SPTBN2: variants seen among roughly 807,000 people sequenced by gnomAD.
The protein encoded by SPTBN2 is spectrin beta chain, non-erythrocytic 2.
SPTBN2 carries 107 observed loss-of-function variants against 284.2 expected under a neutral mutation model. That is an observed-to-expected ratio of 0.38 (90% CI 0.32 to 0.44). The LOEUF (loss-of-function observed/expected upper bound fraction) is 0.44. Among genes scored for constraint, SPTBN2 ranks in the 20% least tolerant of loss-of-function variants. SPTBN2 has a pLI of 1.00. For missense variants in SPTBN2, 2,569 were observed against 3,287.1 expected, an observed-to-expected ratio of 0.78 and a Z score of 5.34; for synonymous variants, 1,289 against 1,354.8, an observed-to-expected ratio of 0.95 and a Z score of 1.07.
Position 66,701,652 on chromosome 11 carries a change from C to T in SPTBN2, c.2748G>A (p.Glu916=). The T allele has an allele frequency of 6.2e-7, 1 of 1,614,072 alleles. No individual in the cohort carries two copies. The highest frequency in any genetic ancestry group is 8.5e-7 in the Non-Finnish European group (1 of 1,180,032). ...CTGGGGGGTTGGCCTTCAGTAACTGCTCGGCAATGTCATTCACCGCGGTGA... is the reference window on the plus strand; with the variant it reads ...CTGGGGGGTTGGCCTTCAGTAACTGTTCGGCAATGTCATTCACCGCGGTGA... ...AQITAVNDIA[E]QLLKANPPGK... The change falls in exon 16 of 38, where the codon GAG becomes GAA. Residue 916 remains glutamate, a synonymous_variant. Transcript: ENST00000533211.
rs1458196108 is a variant in SPTBN2 at position 66,708,122 on chromosome 11, T to A, written c.1350+19A>T. The stretch of plus-strand genomic sequence containing the variant: ...CCAGTTCTGACCAGCCTAAGCATCC[T>A]AGGAGCCTCAAGTCCTACCTGGGAC... On this transcript the variant is annotated intron_variant, in intron 12 of 37. Coordinates refer to ENST00000533211, the MANE Select transcript of SPTBN2 (RefSeq NM_006946.4). The surrounding 1 kb of genome is among the most constrained non-coding windows in gnomAD (Gnocchi z 4.4). 6.2e-7 allele frequency: 1 copy of A among 1,612,942 alleles called. No individual in the cohort carries two copies. The highest frequency in any genetic ancestry group is 1.7e-5 in the Admixed American group (1 of 60,002).
rs755583912 is a variant in SPTBN2, at chr11:66,700,789, G to A, written c.3310C>T (p.Leu1104=). ...PATLPEAEAL[L]AQHAALRGEV... ...CCCCGCAGGGCTGCATGTTGGGCCAGGAGGGCCTCTGCCTCAGGCAGGGTG... is the reference window on the plus strand; with the variant it reads ...CCCCGCAGGGCTGCATGTTGGGCCAAGAGGGCCTCTGCCTCAGGCAGGGTG... Residue 1104 remains leucine (L), a synonymous_variant, in exon 17 of 38, where the codon CTG becomes TTG. Coordinates refer to ENST00000533211, the MANE Select transcript of SPTBN2 (RefSeq NM_006946.4). This position sits in a 1 kb window ranked among gnomAD's most constrained non-coding sequence, Gnocchi z 6.6. The A allele has an allele frequency of 1.9e-6, 3 of 1,601,462 alleles. No individual in the cohort carries two copies. The highest frequency in any genetic ancestry group is 2.5e-6 in the Non-Finnish European group (3 of 1,179,812).
At chr11:66,744,156 C>T (rs757693981) in intron 1 of SPTBN2, among the ~76,000 whole-genome samples, 4 of 152,190 alleles carry the variant, frequency 2.6e-5, no homozygotes, top group Non-Finnish European at 5.9e-5. Context: ...CCACTGCGCC[C>T]GGCCCAGGGC....
chr11:66,704,175 T>C (rs1941398140), intron 15 of SPTBN2, among the ~76,000 whole-genome samples: 2 of 151,752 alleles, frequency 1.3e-5, no homozygotes, highest in Admixed American at 6.6e-5. Context: ...CGTTTCACCA[T>C]GTTAGCCAGG....
rs1406212059 is a variant in SPTBN2, at chr11:66,683,128, C to T, written c.*2743G>A. ...TGTCACCCAGGCTGGAGCGCAGTGG[C>T]GGCATCTCGGCTCACTGCAAGCTCC... On this transcript the variant is annotated 3_prime_UTR_variant, in exon 38 of 38. Transcript: ENST00000533211. Among the ~76,000 whole-genome samples, 6 of 125,130 alleles carry T rather than the reference C, an allele frequency of 4.8e-5. No individual in the cohort carries two copies. Among genetic ancestry groups the T allele is most frequent in the African/African-American group, 1.5e-4 (5 of 32,484 alleles). The allele number at this position is 125,130 out of a possible 152,430, so 82.1% of individuals were successfully genotyped here.
At position 66,691,078 on chromosome 11, in the gene SPTBN2, A is replaced by G. The variant is rs1168675042; in HGVS notation, c.5565+206T>C. 2.0e-5 allele frequency among the ~76,000 whole-genome samples: 3 copies of G among 152,046 alleles called. No homozygotes were observed. Among genetic ancestry groups the G allele is most frequent in the Non-Finnish European group, 4.4e-5 (3 of 67,988 alleles). On this transcript the variant is annotated intron_variant, in intron 27 of 37. Coordinates refer to ENST00000533211, the MANE Select transcript of SPTBN2 (RefSeq NM_006946.4). This position sits in a 1 kb window ranked among gnomAD's most constrained non-coding sequence, Gnocchi z 8.0. ...ATGATCCGCCCTCCTCGGCCTCCCA[A>G]AGTGCTGGGATTACAGGCGAGAGCC...
rs768742849 is a variant in SPTBN2 at position 66,705,432 on chromosome 11, C to T, written c.1844G>A (p.Arg615Gln). 1.4e-5 allele frequency: 23 copies of T among 1,613,048 alleles called. No homozygotes were observed. Among genetic ancestry groups the T allele is most frequent in the Non-Finnish European group, 1.8e-5 (21 of 1,180,034 alleles). The change falls in exon 15 of 38, where the codon CGG becomes CAG. Residue 615 changes from arginine (R) to glutamine (Q), a missense_variant. Physicochemically the swap from Arg to Gln is conservative, Grantham distance 43 (BLOSUM62 1). Around this residue, in one of 6 missense-constraint regions of SPTBN2, gnomAD observed 1,012 missense variants for 1,248.9 expected, o/e 0.81. Transcript: ENST00000533211. ...RPCDPQLVSE[R>Q]VAKLEQSYEA... ...ATAGCTCTGCTCTAGCTTGGCCACC[C>T]GCTCCGACACCAGCTGCGGGTCGCA...
At position 66,699,613 on chromosome 11, in the gene SPTBN2, G is replaced by A. The variant is rs1941130064; in HGVS notation, c.3574-5C>T. ...CGTGTGAGACAGAACATATTCCTGT[G>A]TGGGAGGGATGACATTCAGCTCATT... On this transcript the variant is annotated splice_region_variant and splice_polypyrimidine_tract_variant and intron_variant, in intron 17 of 37. Transcript: ENST00000533211. The A allele has an allele frequency of 1.2e-6, 2 of 1,613,924 alleles. No individual in the cohort carries two copies. Among genetic ancestry groups the A allele is most frequent in the Non-Finnish European group, 1.7e-6 (2 of 1,179,966 alleles).
Position 66,689,817 on chromosome 11 carries a change from A to G in SPTBN2, c.5937T>C (p.Tyr1979=), listed in dbSNP as rs1940410543. Residue 1979 remains tyrosine, a synonymous_variant, in exon 29 of 38, where the codon TAT becomes TAC. Coordinates refer to ENST00000533211, the MANE Select transcript of SPTBN2 (RefSeq NM_006946.4). The part of the protein sequence containing the change: ...MGKELLARSH[Y]AAEEISEKLS... Reference sequence around the variant, plus strand: ...AGGCCTCACCCACCTCCTCGGCCGCATAGTGGCTCCTGGCCAGCAGCTCCT... The same window carrying G: ...AGGCCTCACCCACCTCCTCGGCCGCGTAGTGGCTCCTGGCCAGCAGCTCCT... 6.2e-7 allele frequency: 1 copy of G among 1,613,848 alleles called. No homozygotes were observed. Among genetic ancestry groups the G allele is most frequent in the Non-Finnish European group, 8.5e-7 (1 of 1,180,030 alleles).
intron 1 of SPTBN2, among the ~76,000 whole-genome samples, chr11:66,741,637 G>A (rs756242771): frequency 6.6e-6 from 1 of 152,142 alleles, no homozygotes; most frequent in Admixed American, 6.5e-5. Context: ...AATATCGAGA[G>A]CCATACTCAA....
chr11:66,738,081 G>A (rs1195959442), intron 1 of SPTBN2, among the ~76,000 whole-genome samples: 1 of 152,118 alleles, frequency 6.6e-6, no homozygotes, highest in Non-Finnish European at 1.5e-5. Flanking sequence ...TGGGTGTGGT[G>A]GCAAATGCCT....
chr11:66,716,376 G>A lies in SPTBN2; in HGVS notation c.158-395C>T, dbSNP rs537283131. ...CGGGCGCCTGTAGTCCCAGCTACTC[G>A]GGAGGCTGAGGCAGACTGACGTGAA... is the stretch of plus-strand genomic sequence containing the variant. On this transcript the variant is annotated intron_variant, in intron 3 of 37. Transcript: ENST00000533211. Among the ~76,000 whole-genome samples the A allele has an allele frequency of 8.6e-5, 13 of 152,026 alleles. No individual in the cohort carries two copies. The South Asian group carries it at 1.7e-3, about 19-fold the overall frequency.
chr11:66,699,621 G>T lies in SPTBN2; in HGVS notation c.3574-13C>A, dbSNP rs1941130757. On this transcript the variant is annotated splice_polypyrimidine_tract_variant and intron_variant, in intron 17 of 37. Transcript: ENST00000533211. The stretch of plus-strand genomic sequence containing the variant: ...ACAGAACATATTCCTGTGTGGGAGG[G>T]ATGACATTCAGCTCATTTTCCCCAG... 2 of 1,613,436 alleles carry T rather than the reference G, an allele frequency of 1.2e-6. No homozygotes were observed. Among genetic ancestry groups the T allele is most frequent in the African/African-American group, 1.3e-5 (1 of 74,894 alleles).
In SPTBN2 at chr11:66,708,383, A is replaced by C. The variant is rs980418268; in HGVS notation, c.1192-84T>G. 2 of 1,369,736 alleles carry C rather than the reference A, an allele frequency of 1.5e-6. No homozygotes were observed. Among genetic ancestry groups the C allele is most frequent in the African/African-American group, 2.9e-5 (2 of 68,638 alleles). The allele number at this position is 1,369,736 out of a possible 1,614,324, so 84.8% of individuals were successfully genotyped here. On this transcript the variant is annotated intron_variant, in intron 11 of 37. Transcript: ENST00000533211. The surrounding 1 kb of genome is among the most constrained non-coding windows in gnomAD (Gnocchi z 4.4). ...GGAGGCACATGGTAAGTCCCATGGA[A>C]GCTCGGTCTGGTGGATCCGTGGAAT...
intron 2 of SPTBN2, 30 bp downstream of exon 2, chr11:66,721,320 C>T: frequency 6.4e-7 from 1 of 1,574,002 alleles, no homozygotes; most frequent in Non-Finnish European, 8.7e-7. Context: ...CCTCCACTCA[C>T]CACCGGGGCC....
At position 66,691,616 on chromosome 11, in the gene SPTBN2, T is replaced by C; in HGVS notation, c.5233A>G (p.Thr1745Ala). 1 of 1,613,786 alleles carries C rather than the reference T, an allele frequency of 6.2e-7. No individual in the cohort carries two copies. Among genetic ancestry groups the C allele is most frequent in the Non-Finnish European group, 8.5e-7 (1 of 1,180,022 alleles). Reference sequence around the variant, plus strand: ...CTATCTACGCGCTCCTGACCGATGGTGCTTGTGTCCCGGGAGAACTCTCGG... The same window carrying C: ...CTATCTACGCGCTCCTGACCGATGGCGCTTGTGTCCCGGGAGAACTCTCGG... ...KFREFSRDTS[T>A]IGQERVDSAN... The change falls in exon 27 of 38, where the codon ACC (threonine) becomes GCC (alanine). Residue 1745 changes from threonine to alanine, a missense_variant. Thr to Ala is a moderately conservative substitution (Grantham distance 58, BLOSUM62 0). Coordinates refer to ENST00000533211, the MANE Select transcript of SPTBN2 (RefSeq NM_006946.4). This position sits in a 1 kb window ranked among gnomAD's most constrained non-coding sequence, Gnocchi z 8.0.
chr11:66,687,773 C>A lies in SPTBN2; in HGVS notation c.6501+95G>T. 6.3e-7 allele frequency: 1 copy of A among 1,591,322 alleles called. No homozygotes were observed. Among genetic ancestry groups the A allele is most frequent in the South Asian group, 1.1e-5 (1 of 90,442 alleles). Reference sequence around the variant, plus strand: ...GCTGCCTGTGAGCCTCTGCCCTCTCCCATCCCATCCCCAGTACTCCCCCAC... The same window carrying A: ...GCTGCCTGTGAGCCTCTGCCCTCTCACATCCCATCCCCAGTACTCCCCCAC... On this transcript the variant is annotated intron_variant, in intron 34 of 37. Coordinates refer to ENST00000533211, the MANE Select transcript of SPTBN2 (RefSeq NM_006946.4). This position sits in a 1 kb window ranked among gnomAD's most constrained non-coding sequence, Gnocchi z 5.2.
rs1236704347 is a variant in SPTBN2, at chr11:66,689,485, C to A, written c.5950-305G>T. On this transcript the variant is annotated intron_variant, in intron 29 of 37. Transcript: ENST00000533211. ...AACGGGGTTTCACCATGTTTCATCACAGCCCAGCCACACAACCCATGGAGG... is the reference window on the plus strand; with the variant it reads ...AACGGGGTTTCACCATGTTTCATCAAAGCCCAGCCACACAACCCATGGAGG... 7.5e-6 allele frequency: 4 copies of A among 532,404 alleles called. No individual in the cohort carries two copies. In the East Asian group the frequency reaches 1.4e-4, roughly 19 times the overall value. The allele number at this position is 532,404 out of a possible 1,614,324, so 33.0% of individuals were successfully genotyped here.
chr11:66,685,438 C>G lies in SPTBN2; in HGVS notation c.*433G>C. On this transcript the variant is annotated 3_prime_UTR_variant, in exon 38 of 38. Transcript: ENST00000533211. The surrounding 1 kb of genome is among the most constrained non-coding windows in gnomAD (Gnocchi z 4.4). The stretch of plus-strand genomic sequence containing the variant: ...CTGGCACTTCTGCCCCCAGGGCCTG[C>G]TTCAGCTCTGAGAGGTTCCTGGCTG... 1 of 220,546 alleles carries G rather than the reference C, an allele frequency of 4.5e-6. No homozygotes were observed. The highest frequency in any genetic ancestry group is 6.1e-5 in the South Asian group (1 of 16,328). 13.7% of individuals were successfully genotyped at this position (220,546 alleles called of 1,614,324 possible).
Sources: gnomAD v4.1 joint callset for allele counts (sites outside exome capture counted in the v4.1 genomes callset) on GRCh38, gnomAD v4.1.1 for gene constraint, gnomAD v4.1.1 regional missense constraint, Gnocchi (gnomAD v3.1) non-coding constraint, MANE v1.5 for transcripts, NCBI Gene and HGNC (gene_info 2026-07-23, HGNC 2026-07-21) for gene names.